Variants in ZMAT4 observed in about 807,000 individuals in gnomAD.
The protein encoded by ZMAT4 is zinc finger matrin-type 4.
A neutral mutation model predicts 28.7 loss-of-function variants in ZMAT4; 17 were observed. The ratio of observed to expected loss-of-function variants is 0.59; its 90% CI spans 0.41 to 0.89. The LOEUF (loss-of-function observed/expected upper bound fraction) is 0.89. Ranked by LOEUF, ZMAT4 falls within the 40% of genes least tolerant of loss-of-function variation. The pLI is 0.00. For missense variants in ZMAT4, 240 were observed against 283.8 expected (o/e 0.85, Z 1.11); for synonymous variants, 117 against 109.2 (o/e 1.07, Z -0.44).
rs1009995774 is a variant in ZMAT4 at position 40,897,350 on chromosome 8, A to G, written c.-5+333T>C. ...CCAGCCTATCCATGATGGGTGCACC[A>G]GGAAACAGCACACCCTGGGATCCAA... On this transcript the variant is annotated intron_variant, in intron 1 of 6. Coordinates refer to ENST00000297737, the MANE Select transcript of ZMAT4 (RefSeq NM_024645.3). Among the ~76,000 whole-genome samples the G allele has an allele frequency of 3.3e-5, 5 of 152,156 alleles. No individual in the cohort carries two copies. In the South Asian group the frequency reaches 1.0e-3, roughly 31 times the overall value.
At chr8:40,741,479 C>T (rs1453720256) in intron 3 of ZMAT4, among the ~76,000 whole-genome samples, 1 of 149,552 alleles carries the variant, frequency 6.7e-6, no homozygotes, top group Non-Finnish European at 1.5e-5. Context: ...ACGTAGGAAA[C>T]GATGATCTTG....
chr8:40,660,847 A>G (rs1359084288), intron 5 of ZMAT4, among the ~76,000 whole-genome samples: 1 of 152,172 alleles, frequency 6.6e-6, no homozygotes, highest in African/African-American at 2.4e-5. Flanking sequence ...CCTTATCTCT[A>G]TGCTTTTATA....
chr8:40,544,680 C>T (rs1037019939), intron 6 of ZMAT4, among the ~76,000 whole-genome samples: 4 of 152,002 alleles, frequency 2.6e-5, no homozygotes, highest in East Asian at 1.9e-4. Flanking sequence ...GAAACACTGT[C>T]GTTTTGTACC....
chr8:40,829,993 A>G (rs1816220210), intron 1 of ZMAT4, among the ~76,000 whole-genome samples: 1 of 152,138 alleles, frequency 6.6e-6, no homozygotes, highest in Non-Finnish European at 1.5e-5. Context: ...TGGAAGAAAA[A>G]GAGGCTGGGG....
chr8:40,674,874 G>T lies in ZMAT4; in HGVS notation c.407C>A (p.Ser136Tyr), dbSNP rs1208915676. 1 of 1,613,464 alleles carries T rather than the reference G, an allele frequency of 6.2e-7. No individual in the cohort carries two copies. The highest frequency in any genetic ancestry group is 2.2e-5 in the East Asian group (1 of 44,854). ...GTCTGAATCTCTTCTTTGATAGGGA[G>T]ATGCGACCACCGGAGCAGTGTCCAT... ...PRMDTAPVVA[S>Y]PYQRRDSDRY... Residue 136 changes from serine to tyrosine, a missense_variant, in exon 5 of 7, where the codon TCT (serine) becomes TAT (tyrosine). Ser to Tyr is a moderately radical substitution (Grantham distance 144). Coordinates refer to ENST00000297737, the MANE Select transcript of ZMAT4 (RefSeq NM_024645.3).
intron 3 of ZMAT4, among the ~76,000 whole-genome samples, chr8:40,728,566 A>G (rs1223420028): frequency 1.3e-5 from 2 of 152,250 alleles, no homozygotes; most frequent in Non-Finnish European, 2.9e-5. Flanking sequence ...CAGAAGCACA[A>G]CAATCAAAAA....
chr8:40,640,978 AAAAG>A (rs1287769001), intron 5 of ZMAT4, among the ~76,000 whole-genome samples: 3 of 151,876 alleles, frequency 2.0e-5, no homozygotes, highest in Admixed American at 2.0e-4. Context: ...AAAGAAAGAA[AAAAG>A]AAAAAAAAAA....
intron 1 of ZMAT4, among the ~76,000 whole-genome samples, chr8:40,835,852 A>G (rs1182339195): frequency 2.0e-5 from 3 of 152,200 alleles, no homozygotes; most frequent in Non-Finnish European, 2.9e-5. Context: ...TCTACCGCAT[A>G]TTAACTTGAC....
At chr8:40,715,512 T>C (rs1169798903) in intron 3 of ZMAT4, among the ~76,000 whole-genome samples, 2 of 152,234 alleles carry the variant, frequency 1.3e-5, no homozygotes, top group Non-Finnish European at 2.9e-5. Flanking sequence ...TGCAAAATTA[T>C]TTTTTTCTTT....
chr8:40,752,417 C>T (rs1812489764), intron 3 of ZMAT4, among the ~76,000 whole-genome samples: 2 of 152,170 alleles, frequency 1.3e-5, no homozygotes, highest in South Asian at 2.1e-4. Flanking sequence ...TACCAGGCTG[C>T]CCACTACCCC....
chr8:40,628,314 A>C (rs2118714926), intron 5 of ZMAT4, among the ~76,000 whole-genome samples: 1 of 152,320 alleles, frequency 6.6e-6, no homozygotes, highest in Admixed American at 6.5e-5. Flanking sequence ...AAAGGACTAA[A>C]AAGATTGTTA....
rs1554498009 is a variant in ZMAT4 at position 40,881,536 on chromosome 8, A to AAGAAAGAAAGAAAG, written c.-5+16133_-5+16146dup. On this transcript the variant is annotated intron_variant, in intron 1 of 6. Coordinates refer to ENST00000297737, the MANE Select transcript of ZMAT4 (RefSeq NM_024645.3). The stretch of plus-strand genomic sequence containing the variant: ...AAGGGGAGAGAGAGAGACAGAAAGA[A>AAGAAAGAAAGAAAG]AGAAAGAAAGAAAGAAAGAAAGAAA... Among the ~76,000 whole-genome samples the AAGAAAGAAAGAAAG allele has an allele frequency of 5.6e-3, 266 of 47,152 alleles. 15 individuals are homozygous for AAGAAAGAAAGAAAG. Among genetic ancestry groups the AAGAAAGAAAGAAAG allele is most frequent in the South Asian group, 0.014 (16 of 1,160 alleles). 30.9% of individuals were successfully genotyped at this position (47,152 alleles called of 152,430 possible).
chr8:40,547,235 T>C (rs991599710), intron 6 of ZMAT4, among the ~76,000 whole-genome samples: 3 of 152,216 alleles, frequency 2.0e-5, no homozygotes, highest in Non-Finnish European at 4.4e-5. Flanking sequence ...TTCAGTGATC[T>C]CATGAACGGC....
chr8:40,810,069 T>A (rs978631596), intron 2 of ZMAT4, among the ~76,000 whole-genome samples: 4 of 151,806 alleles, frequency 2.6e-5, no homozygotes, highest in Admixed American at 1.3e-4. Context: ...ACAAACAAAA[T>A]ATATATATAC....
chr8:40,713,620 A>G (rs890874876), intron 3 of ZMAT4, among the ~76,000 whole-genome samples: 1 of 152,124 alleles, frequency 6.6e-6, no homozygotes, highest in African/African-American at 2.4e-5. Context: ...AGAAATATAC[A>G]TATCCAGGCC....
At chr8:40,762,492 A>AT (rs879392461) in intron 3 of ZMAT4, among the ~76,000 whole-genome samples, 59 of 149,134 alleles carry the variant, frequency 4.0e-4, no homozygotes, top group South Asian at 6.4e-4. Context: ...ATCTCTACAA[A>AT]TTTTTTTTTT....
At chr8:40,628,601 G>A (rs1363304353) in intron 5 of ZMAT4, among the ~76,000 whole-genome samples, 2 of 152,148 alleles carry the variant, frequency 1.3e-5, no homozygotes, top group Non-Finnish European at 2.9e-5. Flanking sequence ...GAAAGCTGTG[G>A]TCGAGGTGTG....
At chr8:40,835,528 C>A (rs780149437) in intron 1 of ZMAT4, among the ~76,000 whole-genome samples, 3 of 152,202 alleles carry the variant, frequency 2.0e-5, no homozygotes, top group Non-Finnish European at 4.4e-5. Context: ...CAGGACCCTT[C>A]CTTTCAATGT....
At chr8:40,594,221 A>C (rs1246931558) in intron 5 of ZMAT4, among the ~76,000 whole-genome samples, 2 of 152,178 alleles carry the variant, frequency 1.3e-5, no homozygotes, top group African/African-American at 2.4e-5. Flanking sequence ...TCCCAGTTTA[A>C]TACAGTTATC....
Sources: allele counts gnomAD v4.1 joint callset (sites outside exome capture counted in the v4.1 genomes callset), GRCh38; gene constraint gnomAD v4.1.1; transcripts MANE v1.5; gene names NCBI Gene and HGNC (gene_info 2026-07-23, HGNC 2026-07-21).